FSTL5: variants seen among roughly 807,000 people sequenced by gnomAD.
FSTL5 encodes follistatin like 5, also known as follistatin-related protein 5.
A neutral mutation model predicts 89.1 loss-of-function variants in FSTL5; 62 were observed. That is an observed-to-expected ratio of 0.70 (90% CI 0.57 to 0.86). The LOEUF (loss-of-function observed/expected upper bound fraction) is 0.86, where lower values mean the gene tolerates loss of function less well. Ranked by LOEUF, FSTL5 falls within the 40% of genes least tolerant of loss-of-function variation. The pLI is 0.00. For synonymous variants in FSTL5, 383 were observed against 346.2 expected, an observed-to-expected ratio of 1.11 and a Z score of -1.18; for missense variants, 1,057 against 1,001.6, an observed-to-expected ratio of 1.06 and a Z score of -0.75.
chr4:161,422,357 C>T (rs950123758), intron 15 of FSTL5, among the ~76,000 whole-genome samples: 3 of 152,002 alleles, frequency 2.0e-5, no homozygotes, highest in Admixed American at 6.6e-5. Flanking sequence ...ATGTAAAGAG[C>T]GTCTACTATT....
chr4:161,726,539 CT>C (rs1324366004), intron 6 of FSTL5, among the ~76,000 whole-genome samples: 1 of 151,898 alleles, frequency 6.6e-6, no homozygotes, highest in Non-Finnish European at 1.5e-5. Flanking sequence ...GGATGCAACT[CT>C]CAATACCGTA....
chr4:161,507,911 G>A (rs10013065), intron 11 of FSTL5, among the ~76,000 whole-genome samples: 2,579 of 151,964 alleles, frequency 0.017, 67 homozygotes, highest in African/African-American at 0.058. Flanking sequence ...TTGGCCTTAA[G>A]TGACCTACAT....
At chr4:161,986,684 A>C (rs1184305981) in intron 3 of FSTL5, among the ~76,000 whole-genome samples, 1 of 152,198 alleles carries the variant, frequency 6.6e-6, no homozygotes, top group Non-Finnish European at 1.5e-5. Context: ...AACTGAATGG[A>C]GAGTGGAGGC....
intron 3 of FSTL5, among the ~76,000 whole-genome samples, chr4:161,983,171 T>C (rs1735872737): frequency 6.6e-6 from 1 of 152,200 alleles, no homozygotes; most frequent in Non-Finnish European, 1.5e-5. Flanking sequence ...AAACCATATG[T>C]CATTCACATC....
intron 6 of FSTL5, among the ~76,000 whole-genome samples, chr4:161,751,794 A>G (rs918301077): frequency 6.6e-6 from 1 of 151,370 alleles, no homozygotes; most frequent in African/African-American, 2.4e-5. Flanking sequence ...AAAAAAGAAA[A>G]AAAAAGGATG....
chr4:162,063,470 T>A (rs1371949338), intron 2 of FSTL5, among the ~76,000 whole-genome samples: 1 of 151,870 alleles, frequency 6.6e-6, no homozygotes, highest in African/African-American at 2.4e-5. Context: ...TCAACTAAAA[T>A]TCTTTGTACT....
intron 3 of FSTL5, among the ~76,000 whole-genome samples, chr4:161,945,624 C>A (rs534430133): frequency 6.6e-6 from 1 of 152,166 alleles, no homozygotes; most frequent in South Asian, 2.1e-4. Flanking sequence ...TAGTGGCATG[C>A]ACTTGTAGTC....
At chr4:162,045,071 C>A (rs541681953) in intron 2 of FSTL5, among the ~76,000 whole-genome samples, 2 of 152,252 alleles carry the variant, frequency 1.3e-5, no homozygotes, top group African/African-American at 4.8e-5. Flanking sequence ...TTTGTACTCA[C>A]AACTTGGCTA....
intron 13 of FSTL5, among the ~76,000 whole-genome samples, chr4:161,473,702 T>A: frequency 6.6e-6 from 1 of 152,090 alleles, no homozygotes; most frequent in East Asian, 1.9e-4. Flanking sequence ...AAAGTGCTGG[T>A]TTTAGAAGTG....
intron 3 of FSTL5, among the ~76,000 whole-genome samples, chr4:161,967,119 A>G (rs1456038007): frequency 6.6e-6 from 1 of 151,944 alleles, no homozygotes; most frequent in Non-Finnish European, 1.5e-5. Flanking sequence ...AAATTTTACA[A>G]CGTTACTCAG....
intron 6 of FSTL5, among the ~76,000 whole-genome samples, chr4:161,756,491 A>T (rs1448337295): frequency 1.3e-5 from 2 of 152,034 alleles, no homozygotes; most frequent in Non-Finnish European, 2.9e-5. Flanking sequence ...TTCTATCCAA[A>T]TTCAATATTC....
chr4:161,931,327 G>C (rs1423712681), intron 3 of FSTL5, among the ~76,000 whole-genome samples: 1 of 151,726 alleles, frequency 6.6e-6, no homozygotes, highest in African/African-American at 2.4e-5. Context: ...CCTTGGTCTA[G>C]GTGAATATAG....
chr4:161,600,473 G>A (rs778720316), intron 7 of FSTL5, among the ~76,000 whole-genome samples: 7 of 151,724 alleles, frequency 4.6e-5, no homozygotes, highest in East Asian at 1.9e-4. Context: ...TACATAAACC[G>A]TTGGGTTTGT....
chr4:161,646,523 C>T (rs1181593745), intron 7 of FSTL5, among the ~76,000 whole-genome samples: 1 of 151,738 alleles, frequency 6.6e-6, no homozygotes, highest in East Asian at 1.9e-4. Context: ...CATATAAAAT[C>T]CAGACATATT....
intron 3 of FSTL5, among the ~76,000 whole-genome samples, chr4:161,952,407 T>C (rs1043494881): frequency 6.6e-6 from 1 of 151,984 alleles, no homozygotes; most frequent in Admixed American, 6.6e-5. Flanking sequence ...ATAGACTAAT[T>C]TGAGTTCAGC....
intron 4 of FSTL5, among the ~76,000 whole-genome samples, chr4:161,795,596 A>C (rs1441287904): frequency 6.6e-6 from 1 of 152,098 alleles, no homozygotes; most frequent in East Asian, 1.9e-4. Context: ...GCAAACAAAC[A>C]ATCCATCATC....
chr4:161,952,511 T>G (rs1382294364), intron 3 of FSTL5, among the ~76,000 whole-genome samples: 1 of 152,000 alleles, frequency 6.6e-6, no homozygotes, highest in African/African-American at 2.4e-5. Flanking sequence ...AATTTCTAGT[T>G]AAGCTTTAAT....
At chr4:161,980,257 AGAAAAAAG>A (rs1421137088) in intron 3 of FSTL5, among the ~76,000 whole-genome samples, 1 of 47,546 alleles carries the variant, frequency 2.1e-5, no homozygotes, top group Admixed American at 2.9e-4. Context: ...GAAGGAAGAA[AGAAAAAAG>A]AAAGAAAGAA....
intron 6 of FSTL5, among the ~76,000 whole-genome samples, chr4:161,684,710 T>C (rs910318728): frequency 6.6e-6 from 1 of 152,216 alleles, no homozygotes; most frequent in Non-Finnish European, 1.5e-5. Flanking sequence ...TCCTACTCTC[T>C]GGGTTGTCTG....
Sources: gnomAD v4.1 joint callset for allele counts (sites outside exome capture counted in the v4.1 genomes callset) on GRCh38, gnomAD v4.1.1 for gene constraint, MANE v1.5 for transcripts, NCBI Gene and HGNC (gene_info 2026-07-23, HGNC 2026-07-21) for gene names.